NXPE2: variants seen among roughly 807,000 people sequenced by gnomAD.
NXPE2 encodes NXPE family member 2.
A neutral mutation model predicts 34.4 loss-of-function variants in NXPE2; 34 were observed. That is an observed-to-expected ratio of 0.99 (90% CI 0.75 to 1.31). NXPE2 has a LOEUF of 1.31. Ranked by LOEUF, NXPE2 falls within the 40% of genes most tolerant of loss-of-function variation. The probability of loss-of-function intolerance (pLI) is 0.00; values close to 1 mark genes in which losing one functional copy is unlikely to be tolerated. For missense variants in NXPE2, 649 were observed against 672.5 expected, an observed-to-expected ratio of 0.97 and a Z score of 0.39; for synonymous variants, 235 against 231.3, an observed-to-expected ratio of 1.02 and a Z score of -0.15.
chr11:114,788,747 C>CT, the NXPE2 span, among the ~76,000 whole-genome samples: 1 of 152,200 alleles, frequency 6.6e-6, no homozygotes. Flanking sequence ...GCCTGACCTT[C>CT]TTTAGGGTGA....
intron 1 of NXPE2, 66 bp downstream of exon 1, chr11:114,678,667 A>T (rs1001396608): frequency 7.7e-7 from 1 of 1,304,754 alleles, no homozygotes; most frequent in East Asian, 2.5e-5. Flanking sequence ...ACTATAGACC[A>T]TTTGGTGTTT....
At chr11:114,700,188 AAGTAAATAAAC>A (rs1430880535) in intron 3 of NXPE2, among the ~76,000 whole-genome samples, 1 of 152,108 alleles carries the variant, frequency 6.6e-6, no homozygotes, top group Non-Finnish European at 1.5e-5. Context: ...GAAGGACAAA[AAGTAAATAAAC>A]AGATTTGTCT....
At chr11:114,610,822 C>A in the NXPE2 span, among the ~76,000 whole-genome samples, 33 of 152,012 alleles carry the variant, frequency 2.2e-4, no homozygotes, top group African/African-American at 6.7e-4. Context: ...ATCACTGTTA[C>A]CCTGTGGATA....
At chr11:114,571,613 TG>T in the NXPE2 span, 1 of 818,944 alleles carries the variant, frequency 1.2e-6, no homozygotes, top group Non-Finnish European at 1.9e-6. Context: ...GATGAGGGGA[TG>T]TTTTTGAAAA....
At chr11:114,806,239 T>TG in the NXPE2 span, among the ~76,000 whole-genome samples, 1 of 151,572 alleles carries the variant, frequency 6.6e-6, no homozygotes, top group Non-Finnish European at 1.5e-5. Context: ...ACCACAAAGA[T>TG]GGGAAAAAAA....
chr11:114,772,770 C>T, the NXPE2 span, among the ~76,000 whole-genome samples: 1 of 152,150 alleles, frequency 6.6e-6, no homozygotes, highest in Non-Finnish European at 1.5e-5. Context: ...CACTGATGTG[C>T]TTGGCTCATG....
chr11:114,488,423 T>A, the NXPE2 span, among the ~76,000 whole-genome samples: 72 of 152,298 alleles, frequency 4.7e-4, no homozygotes, highest in Non-Finnish European at 8.8e-4. Flanking sequence ...TCAATTTTGT[T>A]TATCTTTTGA....
rs1216504050 is a variant in NXPE2, at chr11:114,698,211, TC to T, written c.300del (p.Phe100LeufsTer4). 3 of 1,613,978 alleles carry T rather than the reference TC, an allele frequency of 1.9e-6. No individual in the cohort carries two copies. In the South Asian group the frequency reaches 3.3e-5, roughly 18 times the overall value. On this transcript the variant is annotated frameshift_variant, in exon 3 of 6. Transcript: ENST00000389586. LOFTEE classifies it high-confidence loss of function. The stretch of plus-strand genomic sequence containing the variant: ...GACCAGCAGATCCCACCCAGACCTT[TC>T]ACCCATGTGAATACCACCACCAGTG... ...KLDQQIPPRP[F>X]THVNTTTSAT...
At chr11:114,622,406 G>A in the NXPE2 span, among the ~76,000 whole-genome samples, 1 of 151,076 alleles carries the variant, frequency 6.6e-6, no homozygotes, top group South Asian at 2.1e-4. Flanking sequence ...GGTAACCACT[G>A]TTACCCGGTG....
At chr11:114,483,108 T>A in the NXPE2 span, among the ~76,000 whole-genome samples, 2 of 152,214 alleles carry the variant, frequency 1.3e-5, no homozygotes, top group African/African-American at 2.4e-5. Context: ...TGTATATTCC[T>A]TATAAACATA....
the NXPE2 span, among the ~76,000 whole-genome samples, chr11:114,498,919 G>A: frequency 2.6e-5 from 4 of 151,996 alleles, no homozygotes; most frequent in East Asian, 1.9e-4. Flanking sequence ...TTGGAAGTGT[G>A]CCATCTTTTT....
the NXPE2 span, among the ~76,000 whole-genome samples, chr11:114,778,484 G>A: frequency 6.6e-6 from 1 of 152,228 alleles, no homozygotes; most frequent in Non-Finnish European, 1.5e-5. Flanking sequence ...GAAGGAAAAT[G>A]AAAAGACCAG....
At chr11:114,730,923 T>A in the NXPE2 span, among the ~76,000 whole-genome samples, 1 of 152,184 alleles carries the variant, frequency 6.6e-6, no homozygotes, top group African/African-American at 2.4e-5. Context: ...GGACTTCCAG[T>A]ATCATGTTGA....
At chr11:114,763,244 T>A in the NXPE2 span, among the ~76,000 whole-genome samples, 27 of 152,104 alleles carry the variant, frequency 1.8e-4, no homozygotes, top group Non-Finnish European at 2.8e-4. Flanking sequence ...TTCCCCTTGT[T>A]TTGAAAAAAT....
chr11:114,696,540 T>C (rs1951262257), intron 2 of NXPE2, among the ~76,000 whole-genome samples: 1 of 151,976 alleles, frequency 6.6e-6, no homozygotes, highest in Admixed American at 6.6e-5. Context: ...TTACCAAGAA[T>C]AAATAAGATC....
At chr11:114,469,850 C>T in the NXPE2 span, among the ~76,000 whole-genome samples, 1 of 152,176 alleles carries the variant, frequency 6.6e-6, no homozygotes, top group Non-Finnish European at 1.5e-5. Flanking sequence ...CCACACACTT[C>T]ATGCCCTTTT....
the NXPE2 span, among the ~76,000 whole-genome samples, chr11:114,658,376 TA>T: frequency 6.6e-6 from 1 of 152,194 alleles, no homozygotes; most frequent in Non-Finnish European, 1.5e-5. Flanking sequence ...AGCACAGACG[TA>T]AAGAGACTTT....
At chr11:114,727,812 CACACAT>C in the NXPE2 span, among the ~76,000 whole-genome samples, 3 of 150,836 alleles carry the variant, frequency 2.0e-5, no homozygotes, top group African/African-American at 7.4e-5. Context: ...CACACACACA[CACACAT>C]ATCTTTCCCC....
chr11:114,773,483 C>A, the NXPE2 span, among the ~76,000 whole-genome samples: 1 of 152,058 alleles, frequency 6.6e-6, no homozygotes, highest in African/African-American at 2.4e-5. Context: ...GCAATACTTG[C>A]CCCCCACTTC....
Sources: allele counts gnomAD v4.1 joint callset (sites outside exome capture counted in the v4.1 genomes callset), GRCh38; gene constraint gnomAD v4.1.1; transcripts MANE v1.5; gene names NCBI Gene and HGNC (gene_info 2026-07-23, HGNC 2026-07-21).